The following PIEZO2 variants were observed in gnomAD, a reference collection of about 807,000 sequenced individuals.
PIEZO2 encodes piezo-type mechanosensitive ion channel component 2.
PIEZO2 carries 172 observed loss-of-function variants against 337.3 expected under a neutral mutation model. The ratio of observed to expected loss-of-function variants is 0.51; its 90% CI spans 0.45 to 0.58. The LOEUF (loss-of-function observed/expected upper bound fraction) is 0.58. Among genes scored for constraint, PIEZO2 ranks in the 20% least tolerant of loss-of-function variants. The pLI is 0.00. For missense variants in PIEZO2, 3,028 were observed against 3,391.3 expected (o/e 0.89, Z 2.66); for synonymous variants, 1,251 against 1,228.5 (o/e 1.02, Z -0.38).
At position 10,704,569 on chromosome 18, in the gene PIEZO2, T is replaced by G. The variant is rs959681351; in HGVS notation, c.6083A>C (p.Tyr2028Ser). ...CTCCGAGCGGGCCACCAGGGTATTG[T>G]ACATGGCATAGAAGAGCAGCAGAAA... The part of the protein sequence containing the change: ...PRFLLLFYAM[Y>S]NTLVARSEMV... Residue 2028 changes from tyrosine (Y) to serine (S), a missense_variant, in exon 42 of 56, where the codon TAC becomes TCC. Coordinates refer to ENST00000674853, the MANE Select transcript of PIEZO2 (RefSeq NM_001378183.1). 1 of 1,537,176 alleles carries G rather than the reference T, an allele frequency of 6.5e-7. No homozygotes were observed. Among genetic ancestry groups the G allele is most frequent in the Non-Finnish European group, 8.7e-7 (1 of 1,146,920 alleles).
Position 10,878,744 on chromosome 18 carries a change from A to G in PIEZO2, c.330-7329T>C, listed in dbSNP as rs955590742. Among the ~76,000 whole-genome samples the G allele has an allele frequency of 1.3e-5, 2 of 152,022 alleles. No individual in the cohort carries two copies. Among genetic ancestry groups the G allele is most frequent in the Non-Finnish European group, 2.9e-5 (2 of 68,026 alleles). Reference sequence around the variant, plus strand: ...ATATGAAGGAAGTAAAGTCAGAAACACAGGGTAAGGTCAGACCATACAAAG... The same window carrying G: ...ATATGAAGGAAGTAAAGTCAGAAACGCAGGGTAAGGTCAGACCATACAAAG... On this transcript the variant is annotated intron_variant, in intron 4 of 55. Transcript: ENST00000674853. The surrounding 1 kb of genome is among the most constrained non-coding windows in gnomAD (Gnocchi z 4.3).
In PIEZO2 at chr18:10,813,361, A is replaced by T; in HGVS notation, c.918-6087T>A. On this transcript the variant is annotated intron_variant, in intron 7 of 55. Transcript: ENST00000674853. This position sits in a 1 kb window ranked among gnomAD's most constrained non-coding sequence, Gnocchi z 4.2. ...CGAAACCAATCGCCAGAACTTTTTC[A>T]TCTTGCAAAACTAAAATTCTGTACA... 6.6e-6 allele frequency among the ~76,000 whole-genome samples: 1 copy of T among 152,204 alleles called. No homozygotes were observed. The highest frequency in any genetic ancestry group is 1.5e-5 in the Non-Finnish European group (1 of 68,038).
At chr18:10,814,613 C>A (rs892364069) in intron 7 of PIEZO2, among the ~76,000 whole-genome samples, 2 of 152,122 alleles carry the variant, frequency 1.3e-5, no homozygotes, top group Non-Finnish European at 2.9e-5. Context: ...TGAAGCTCGG[C>A]TGAGCTCTGT....
At chr18:11,050,897 TAA>T (rs33921906) in intron 2 of PIEZO2, among the ~76,000 whole-genome samples, 12 of 140,546 alleles carry the variant, frequency 8.5e-5, no homozygotes, top group South Asian at 4.4e-4. Context: ...TTACCAGGTT[TAA>T]AAAAAAAAAA....
At position 10,731,454 on chromosome 18, in the gene PIEZO2, CT is replaced by C. The variant is rs2036783585; in HGVS notation, c.4981del (p.Arg1661GlyfsTer47). On this transcript the variant is annotated frameshift_variant, in exon 36 of 56. Transcript: ENST00000674853. LOFTEE classifies it high-confidence loss of function. Reference protein sequence around the residue: ...ALRQRHKEKKRSAREERKRRR... With the variant: ...ALRQRHKEKKXSAREERKRRR... ...TCGTTTCCGTTCTTCTCTTGCAGAC[CT>C]TTTTTTCTCTTTGTGTCTTTGTCGG... 4 of 1,534,528 alleles carry C rather than the reference CT, an allele frequency of 2.6e-6. No homozygotes were observed. Among genetic ancestry groups the C allele is most frequent in the Non-Finnish European group, 3.5e-6 (4 of 1,145,550 alleles).
rs1344024159 is a variant in PIEZO2 at position 11,003,455 on chromosome 18, T to G, written c.161-23795A>C. ...TCTGGTCACAAAAACATCACCAAAC[T>G]TCTAAATAAGGACAAAACACTTCTA... On this transcript the variant is annotated intron_variant, in intron 2 of 55. Transcript: ENST00000674853. This position sits in a 1 kb window ranked among gnomAD's most constrained non-coding sequence, Gnocchi z 4.6. Among the ~76,000 whole-genome samples the G allele has an allele frequency of 6.6e-6, 1 of 152,220 alleles. No homozygotes were observed. The highest frequency in any genetic ancestry group is 1.5e-5 in the Non-Finnish European group (1 of 68,036).
intron 4 of PIEZO2, chr18:10,893,808 T>G (rs547807655): frequency 4.6e-5 from 7 of 152,338 alleles, no homozygotes; most frequent in Admixed American, 4.6e-4. Context: ...CTTTTAGCAT[T>G]CAATTTCACA....
intron 2 of PIEZO2, among the ~76,000 whole-genome samples, chr18:11,044,268 T>G (rs1224549783): frequency 6.6e-6 from 1 of 151,534 alleles, no homozygotes; most frequent in Non-Finnish European, 1.5e-5. Flanking sequence ...ATAAAGTCTT[T>G]TCAAAATGTG....
At position 10,763,223 on chromosome 18, in the gene PIEZO2, G is replaced by A. The variant is rs79489786; in HGVS notation, c.2947-125C>T. 0.017 allele frequency: 16,805 copies of A among 972,446 alleles called. 266 individuals are homozygous for A. Among genetic ancestry groups the A allele is most frequent in the African/African-American group, 0.071 (4,334 of 61,224 alleles). The allele number at this position is 972,446 out of a possible 1,614,324, so 60.2% of individuals were successfully genotyped here. On this transcript the variant is annotated intron_variant, in intron 21 of 55. Transcript: ENST00000674853. ...AAAGCAGACTGGATTCCTAGCATGC[G>A]CAAGGAATTGCCCTAGGTGCTGGGG...
At position 10,682,001 on chromosome 18, in the gene PIEZO2, C is replaced by T; in HGVS notation, c.7686+103G>A. On this transcript the variant is annotated intron_variant, in intron 50 of 55. Transcript: ENST00000674853. The surrounding 1 kb of genome is among the most constrained non-coding windows in gnomAD (Gnocchi z 5.6). ...TATTTGCTGAGCAGTCAAATGCCGA[C>T]AGCAGGGTCGGCAGCCCATGACTAA... The T allele has an allele frequency of 8.5e-7, 1 of 1,182,748 alleles. No individual in the cohort carries two copies. The highest frequency in any genetic ancestry group is 1.2e-6 in the Non-Finnish European group (1 of 864,492). 73.3% of individuals were successfully genotyped at this position (1,182,748 alleles called of 1,614,324 possible).
intron 3 of PIEZO2, among the ~76,000 whole-genome samples, chr18:10,920,526 G>A (rs1445587891): frequency 6.6e-6 from 1 of 152,112 alleles, no homozygotes; most frequent in African/African-American, 2.4e-5. Flanking sequence ...AAAATGTGAT[G>A]AGAAAACTCA....
intron 2 of PIEZO2, among the ~76,000 whole-genome samples, chr18:11,014,734 C>G (rs9946375): frequency 0.022 from 2,122 of 96,932 alleles, 34 homozygotes; most frequent in South Asian, 0.04. Context: ...CTGGTGGGCA[C>G]TTCACCCTGT....
At chr18:11,067,057 A>G (rs2038177680) in intron 1 of PIEZO2, among the ~76,000 whole-genome samples, 1 of 152,250 alleles carries the variant, frequency 6.6e-6, no homozygotes, top group Non-Finnish European at 1.5e-5. Flanking sequence ...GAAGCATACC[A>G]CTAGAGAAAA....
chr18:10,926,767 C>T (rs1468819917), intron 3 of PIEZO2, among the ~76,000 whole-genome samples: 1 of 152,154 alleles, frequency 6.6e-6, no homozygotes, highest in Non-Finnish European at 1.5e-5. Context: ...CACCACGACT[C>T]TGAGATGTTC....
intron 5 of PIEZO2, among the ~76,000 whole-genome samples, chr18:10,868,180 C>A (rs1435629914): frequency 6.6e-6 from 1 of 152,198 alleles, no homozygotes; most frequent in Non-Finnish European, 1.5e-5. Context: ...AAAAGGAATT[C>A]TCACAGGCAC....
chr18:11,071,498 G>A (rs144697037), intron 1 of PIEZO2, among the ~76,000 whole-genome samples: 2 of 152,368 alleles, frequency 1.3e-5, no homozygotes, highest in African/African-American at 4.8e-5. Context: ...GGGAGCTGAC[G>A]TTCTGGTGGG....
chr18:10,830,362 G>C lies in PIEZO2; in HGVS notation c.918-23088C>G, dbSNP rs2040810035. 6.6e-6 allele frequency among the ~76,000 whole-genome samples: 1 copy of C among 152,174 alleles called. No individual in the cohort carries two copies. The highest frequency in any genetic ancestry group is 2.1e-4 in the South Asian group (1 of 4,830). ...AAGAAAACATTGGGAAAAATCTCCA[G>C]GACATTGGTCTGGGCAAAGATTTCT... On this transcript the variant is annotated intron_variant, in intron 7 of 55. Transcript: ENST00000674853. The surrounding 1 kb of genome is among the most constrained non-coding windows in gnomAD (Gnocchi z 4.7).
chr18:10,987,410 G>A (rs2034916412), intron 2 of PIEZO2, among the ~76,000 whole-genome samples: 1 of 152,012 alleles, frequency 6.6e-6, no homozygotes, highest in East Asian at 1.9e-4. Flanking sequence ...ACCCACAAAT[G>A]TATAGCCATC....
Position 10,773,461 on chromosome 18 carries a change from C to T in PIEZO2, c.2736G>A (p.Glu912=), listed in dbSNP as rs922779374. Residue 912 remains glutamate, a synonymous_variant, in exon 20 of 56, where the codon GAG becomes GAA. Coordinates refer to ENST00000674853, the MANE Select transcript of PIEZO2 (RefSeq NM_001378183.1). The surrounding 1 kb of genome is among the most constrained non-coding windows in gnomAD (Gnocchi z 5.3). The stretch of plus-strand genomic sequence containing the variant: ...ATTCCTCCTCTTCCTCTCCGTCCTC[C>T]TCTGACTCCTCGCTGTCTTTCCCAA... ...GDLGKDSEES[E]EDGEEEEESE... is the part of the protein sequence containing the mutation. 5 of 1,537,260 alleles carry T rather than the reference C, an allele frequency of 3.3e-6. No individual in the cohort carries two copies. The African/African-American group carries it at 5.5e-5, about 17-fold the overall frequency.
Sources: allele counts gnomAD v4.1 joint callset (sites outside exome capture counted in the v4.1 genomes callset), GRCh38; gene constraint gnomAD v4.1.1; non-coding constraint Gnocchi (gnomAD v3.1); transcripts MANE v1.5; gene names NCBI Gene and HGNC (gene_info 2026-07-23, HGNC 2026-07-21).